Variants in CPNE4 observed in about 807,000 individuals in gnomAD.
CPNE4 encodes the protein copine-4.
Under a neutral mutation model 67.9 loss-of-function variants are expected in CPNE4, and 25 were observed. The ratio of observed to expected loss-of-function variants is 0.37; its 90% confidence interval spans 0.27 to 0.51. CPNE4 has a LOEUF of 0.51. CPNE4 is among the 20% of genes least tolerant of loss of function. CPNE4 has a pLI of 0.93. For synonymous variants in CPNE4, 242 were observed against 244.9 expected, an observed-to-expected ratio of 0.99 and a Z score of 0.11; for missense variants, 464 against 690.8, an observed-to-expected ratio of 0.67 and a Z score of 3.68.
chr3:131,790,296 T>C (rs1327342975), intron 2 of CPNE4, among the ~76,000 whole-genome samples: 10 of 152,158 alleles, frequency 6.6e-5, no homozygotes, highest in Admixed American at 6.6e-4. Context: ...CAAGTCTTTC[T>C]GTCACAGAGT....
rs568871855 is a variant in CPNE4 at position 131,961,950 on chromosome 3, C to T, written c.-1-56506G>A. ...CATTCTACTTCCAAACGTTTCTCAA[C>T]GTTATCTCTATCCCATCTGGCCATA... On this transcript the variant is annotated intron_variant, in intron 1 of 15. Transcript: ENST00000429747. Among the ~76,000 whole-genome samples, 50 of 152,306 alleles carry T rather than the reference C, an allele frequency of 3.3e-4. No homozygotes were observed. The Middle Eastern group carries it at 0.014, about 41-fold the overall frequency.
At chr3:131,634,482 A>G (rs60013492) in intron 7 of CPNE4, among the ~76,000 whole-genome samples, 20,558 of 152,178 alleles carry the variant, frequency 0.14, 1,554 homozygotes, top group African/African-American at 0.2. Context: ...AGCCAGCAAA[A>G]TAATTCTAGA....
chr3:131,887,200 C>G (rs368288705), intron 2 of CPNE4, among the ~76,000 whole-genome samples: 5 of 152,296 alleles, frequency 3.3e-5, no homozygotes, highest in Admixed American at 2.0e-4. Context: ...GTGAATAAGT[C>G]TCACAAGATC....
intron 2 of CPNE4, among the ~76,000 whole-genome samples, chr3:131,880,362 GCCCGAC>G (rs2087627329): frequency 3.9e-5 from 6 of 151,956 alleles, no homozygotes; most frequent in Non-Finnish European, 8.8e-5. Flanking sequence ...TGATACGCCC[GCCCGAC>G]CTCCCAAAGT....
chr3:131,878,994 T>C (rs2087562570), intron 2 of CPNE4, among the ~76,000 whole-genome samples: 1 of 152,244 alleles, frequency 6.6e-6, no homozygotes, highest in Non-Finnish European at 1.5e-5. Context: ...TTGTTTAGTT[T>C]GGAACATTCC....
intron 1 of CPNE4, among the ~76,000 whole-genome samples, chr3:131,940,390 T>C (rs2071350640): frequency 6.6e-6 from 1 of 151,824 alleles, no homozygotes; most frequent in South Asian, 2.1e-4. Flanking sequence ...TATTAGTAAC[T>C]TGTTTTGTCT....
chr3:131,977,002 A>G (rs2072675657), intron 1 of CPNE4, among the ~76,000 whole-genome samples: 1 of 151,966 alleles, frequency 6.6e-6, no homozygotes, highest in Non-Finnish European at 1.5e-5. Context: ...GGATTTCATC[A>G]TGTTGGTCAG....
At chr3:132,005,577 C>A (rs1402713127) in intron 1 of CPNE4, among the ~76,000 whole-genome samples, 1 of 151,662 alleles carries the variant, frequency 6.6e-6, no homozygotes, top group Non-Finnish European at 1.5e-5. Context: ...CAAGTGTTTA[C>A]TAAGGACCTA....
At chr3:131,882,593 T>G (rs1187982686) in intron 2 of CPNE4, among the ~76,000 whole-genome samples, 1 of 143,744 alleles carries the variant, frequency 7.0e-6, no homozygotes, top group Non-Finnish European at 1.6e-5. Context: ...ATAATATTGA[T>G]GCCTAACAGC....
intron 4 of CPNE4, 108 bp from the exon 5 acceptor site, chr3:131,696,724 G>T (rs1232304263): frequency 1.0e-6 from 1 of 970,160 alleles, no homozygotes; most frequent in Non-Finnish European, 1.6e-6. Context: ...AAAGACAAAT[G>T]TTGGGCAAAG....
chr3:131,944,940 C>T (rs2071506312), intron 1 of CPNE4, among the ~76,000 whole-genome samples: 1 of 152,044 alleles, frequency 6.6e-6, no homozygotes, highest in African/African-American at 2.4e-5. Context: ...CCATGAACAG[C>T]TTTATAGAAT....
intron 2 of CPNE4, among the ~76,000 whole-genome samples, chr3:131,857,130 T>C (rs2086478369): frequency 1.3e-5 from 2 of 152,084 alleles, no homozygotes; most frequent in Admixed American, 1.3e-4. Flanking sequence ...GAAATCATGT[T>C]CTTCTATCCT....
intron 15 of CPNE4, among the ~76,000 whole-genome samples, chr3:131,536,948 C>T (rs79128160): frequency 0.037 from 5,660 of 152,160 alleles, 259 homozygotes; most frequent in African/African-American, 0.1. Context: ...CAATTCCATC[C>T]TTTGAGATAT....
intron 2 of CPNE4, among the ~76,000 whole-genome samples, chr3:131,760,514 G>A (rs2082859745): frequency 6.6e-6 from 1 of 152,142 alleles, no homozygotes; most frequent in African/African-American, 2.4e-5. Flanking sequence ...CATGTAACGT[G>A]TGTCTATGCT....
At chr3:131,877,407 C>T (rs187197675) in intron 2 of CPNE4, among the ~76,000 whole-genome samples, 313 of 152,172 alleles carry the variant, frequency 2.1e-3, no homozygotes, top group Middle Eastern at 6.8e-3. Context: ...GAGCAGCTGA[C>T]GCAAACCAGA....
intron 7 of CPNE4, among the ~76,000 whole-genome samples, chr3:131,643,424 C>A (rs1406943834): frequency 2.0e-5 from 3 of 152,194 alleles, no homozygotes; most frequent in Non-Finnish European, 4.4e-5. Context: ...TGTATTTACC[C>A]AATGCCTGTA....
At chr3:131,754,161 A>T (rs1055865265) in intron 2 of CPNE4, among the ~76,000 whole-genome samples, 8 of 152,238 alleles carry the variant, frequency 5.3e-5, no homozygotes, top group African/African-American at 1.9e-4. Flanking sequence ...TTTTTTATGG[A>T]AAAAAGCAAG....
At chr3:131,547,144 G>T (rs149602761) in intron 14 of CPNE4, among the ~76,000 whole-genome samples, 2 of 152,028 alleles carry the variant, frequency 1.3e-5, no homozygotes, top group South Asian at 4.1e-4. Flanking sequence ...GGAAATGTTG[G>T]TCTATAATCC....
intron 1 of CPNE4, among the ~76,000 whole-genome samples, chr3:131,986,232 A>G (rs985572123): frequency 5.9e-5 from 9 of 152,168 alleles, no homozygotes; most frequent in Admixed American, 5.9e-4. Flanking sequence ...GTCAGGGAGG[A>G]AACAGAACCT....
Sources: allele counts gnomAD v4.1 joint callset (sites outside exome capture counted in the v4.1 genomes callset), GRCh38; gene constraint gnomAD v4.1.1; transcripts MANE v1.5; gene names NCBI Gene and HGNC (gene_info 2026-07-23, HGNC 2026-07-21).